The following ANGPT2 variants were observed in gnomAD, a reference collection of about 807,000 sequenced individuals.
ANGPT2 encodes angiopoietin 2.
Under a neutral mutation model 62.9 loss-of-function variants are expected in ANGPT2, and 28 were observed. The observed-to-expected ratio is 0.44, with a 90% CI of 0.33 to 0.61. The LOEUF (loss-of-function observed/expected upper bound fraction) is 0.61, where lower values mean the gene tolerates loss of function less well. Among genes scored for constraint, ANGPT2 ranks in the 20% least tolerant of loss-of-function variants. The pLI is 0.03. For synonymous variants in ANGPT2, 284 were observed against 207.8 expected (o/e 1.37, Z -3.15); for missense variants, 727 against 594.9 (o/e 1.22, Z -2.31).
At chr8:6,506,895 T>C (rs1813834042) in intron 8 of ANGPT2, among the ~76,000 whole-genome samples, 1 of 152,102 alleles carries the variant, frequency 6.6e-6, no homozygotes, top group Non-Finnish European at 1.5e-5. Flanking sequence ...TTTTGACTGT[T>C]AATGATGCTT....
At chr8:6,511,283 G>A (rs1159085688) in intron 7 of ANGPT2, among the ~76,000 whole-genome samples, 1 of 133,712 alleles carries the variant, frequency 7.5e-6, no homozygotes, top group Non-Finnish European at 1.7e-5. Flanking sequence ...ACATTGGTAT[G>A]GGTTGATTTT....
chr8:6,499,914 C>T lies in ANGPT2; in HGVS notation c.*3187G>A, dbSNP rs202015253. On this transcript the variant is annotated 3_prime_UTR_variant, in exon 9 of 9. Coordinates refer to ENST00000629816, the MANE Select transcript of ANGPT2 (RefSeq NM_001118887.2). ...AGGAGCCGTTCGAACTGTCTCACCA[C>T]TTCCCTGCAGCTCCCGTAAGTCAGA... The T allele has an allele frequency of 6.2e-7, 1 of 1,613,568 alleles. No individual in the cohort carries two copies. The highest frequency in any genetic ancestry group is 8.5e-7 in the Non-Finnish European group (1 of 1,179,916).
chr8:6,527,067 C>T (rs970652705), intron 3 of ANGPT2, among the ~76,000 whole-genome samples: 1 of 152,196 alleles, frequency 6.6e-6, no homozygotes, highest in Non-Finnish European at 1.5e-5. Context: ...TTGAGTGAAG[C>T]TAAGTCCCCA....
chr8:6,543,211 G>T (rs1361091761), intron 1 of ANGPT2, among the ~76,000 whole-genome samples: 2 of 152,138 alleles, frequency 1.3e-5, no homozygotes, highest in African/African-American at 4.8e-5. Context: ...ATTGGAAGAT[G>T]CTCAAAATAC....
intron 5 of ANGPT2, among the ~76,000 whole-genome samples, chr8:6,515,098 A>G (rs1815996524): frequency 6.6e-6 from 1 of 152,024 alleles, no homozygotes; most frequent in African/African-American, 2.4e-5. Flanking sequence ...GTTTTTTTAG[A>G]GATTCATTAT....
intron 5 of ANGPT2, among the ~76,000 whole-genome samples, 172 bp downstream of exon 5, chr8:6,519,692 C>T (rs901135699): frequency 6.6e-6 from 1 of 152,206 alleles, no homozygotes; most frequent in Admixed American, 6.5e-5. Flanking sequence ...AGCAGCGGCA[C>T]TTAGAGCCCT....
intron 2 of ANGPT2, among the ~76,000 whole-genome samples, chr8:6,527,887 C>T (rs1396265645): frequency 7.1e-6 from 1 of 140,496 alleles, no homozygotes; most frequent in Non-Finnish European, 1.6e-5. Context: ...TTACTCTTTT[C>T]CCCACGTCTC....
At position 6,499,929 on chromosome 8, in the gene ANGPT2, C is replaced by T. The variant is rs35344839; in HGVS notation, c.*3172G>A. ...TGTCTCACCACTTCCCTGCAGCTCCCGTAAGTCAGATGTTGTTTTACGATG... is the reference window on the plus strand; with the variant it reads ...TGTCTCACCACTTCCCTGCAGCTCCTGTAAGTCAGATGTTGTTTTACGATG... On this transcript the variant is annotated 3_prime_UTR_variant, in exon 9 of 9. Transcript: ENST00000629816. 39 of 1,613,056 alleles carry T rather than the reference C, an allele frequency of 2.4e-5. 1 individual carries two copies. The highest frequency in any genetic ancestry group is 2.4e-4 in the African/African-American group (18 of 74,990).
At chr8:6,557,141 C>T (rs138336984) in intron 1 of ANGPT2, among the ~76,000 whole-genome samples, 3 of 152,332 alleles carry the variant, frequency 2.0e-5, no homozygotes, top group African/African-American at 7.2e-5. Flanking sequence ...CAGTTTTCTG[C>T]AGTCTTCCCA....
At chr8:6,525,531 G>T (rs1219982628) in intron 3 of ANGPT2, among the ~76,000 whole-genome samples, 1 of 152,174 alleles carries the variant, frequency 6.6e-6, no homozygotes, top group Non-Finnish European at 1.5e-5. Flanking sequence ...TGCCTGGCTT[G>T]AATCTATTCT....
chr8:6,530,425 C>A (rs1418846029), intron 2 of ANGPT2, among the ~76,000 whole-genome samples: 1 of 150,244 alleles, frequency 6.7e-6, no homozygotes, highest in East Asian at 2.0e-4. Context: ...ACGAGAATCG[C>A]TTGAACCCGG....
At chr8:6,536,720 C>G (rs1820570049) in intron 1 of ANGPT2, among the ~76,000 whole-genome samples, 1 of 152,154 alleles carries the variant, frequency 6.6e-6, no homozygotes, top group African/African-American at 2.4e-5. Flanking sequence ...TTCCATAAAT[C>G]ACCACGTATC....
In ANGPT2 at chr8:6,502,948, A is replaced by T; in HGVS notation, c.*153T>A. ...GATGCAAGTTTAAGTGATAAAGTTT[A>T]CAGGCTCTAATCTGGAGCATGTGGG... is the stretch of plus-strand genomic sequence containing the variant. On this transcript the variant is annotated 3_prime_UTR_variant, in exon 9 of 9. Coordinates refer to ENST00000629816, the MANE Select transcript of ANGPT2 (RefSeq NM_001118887.2). 1.2e-6 allele frequency: 1 copy of T among 809,294 alleles called. No individual in the cohort carries two copies. The allele number at this position is 809,294 out of a possible 1,614,324, so 50.1% of individuals were successfully genotyped here. A position where few individuals can be genotyped will look rare whatever the true frequency, so the allele number is the denominator to read the frequency against.
At chr8:6,514,823 C>A (rs939969347) in intron 5 of ANGPT2, 45 bp from the exon 6 acceptor site, 7 of 1,531,180 alleles carry the variant, frequency 4.6e-6, no homozygotes, top group Admixed American at 1.7e-5. Context: ...CCCCCCCACT[C>A]CCCCCTTACG....
Position 6,538,304 on chromosome 8 carries a change from A to G in ANGPT2, c.289-5817T>C, listed in dbSNP as rs183266032. 1.3e-4 allele frequency among the ~76,000 whole-genome samples: 20 copies of G among 152,212 alleles called. 1 individual carries two copies. The highest frequency in any genetic ancestry group is 1.3e-3 in the Admixed American group (20 of 15,286). ...CACACATACACGTTTTCTACCCCCC[A>G]TGATCCCATCTTCCCGCCCAGGGTC... On this transcript the variant is annotated intron_variant, in intron 1 of 8. Coordinates refer to ENST00000629816, the MANE Select transcript of ANGPT2 (RefSeq NM_001118887.2).
intron 2 of ANGPT2, among the ~76,000 whole-genome samples, chr8:6,530,262 G>A (rs1450419760): frequency 6.6e-6 from 1 of 152,016 alleles, no homozygotes; most frequent in African/African-American, 2.4e-5. Context: ...GATCCCAGCA[G>A]TTTGGGAGGC....
At position 6,503,051 on chromosome 8, in the gene ANGPT2, T is replaced by G. The variant is rs752990784; in HGVS notation, c.*50A>C. ...AGCCGTGACTTTCAGTGCACTGGGC[T>G]TAAGTCTTTGAAAATAGTTCGAGAC... is the stretch of plus-strand genomic sequence containing the variant. On this transcript the variant is annotated 3_prime_UTR_variant, in exon 9 of 9. Transcript: ENST00000629816. 4 of 1,607,698 alleles carry G rather than the reference T, an allele frequency of 2.5e-6. No homozygotes were observed. Among genetic ancestry groups the G allele is most frequent in the Non-Finnish European group, 3.4e-6 (4 of 1,176,386 alleles).
At chr8:6,508,178 G>C (rs1346280162) in intron 8 of ANGPT2, 1 of 152,226 alleles carries the variant, frequency 6.6e-6, no homozygotes, top group Admixed American at 6.5e-5. Context: ...GGCCGGGTGT[G>C]GTGGCTCACA....
At chr8:6,540,506 G>A (rs1022753906) in intron 1 of ANGPT2, among the ~76,000 whole-genome samples, 3 of 152,190 alleles carry the variant, frequency 2.0e-5, no homozygotes, top group Admixed American at 6.5e-5. Context: ...GTCTGTGAGC[G>A]TGCAGCCTCA....
Sources: gnomAD v4.1 joint callset for allele counts (sites outside exome capture counted in the v4.1 genomes callset) on GRCh38, gnomAD v4.1.1 for gene constraint, MANE v1.5 for transcripts, NCBI Gene and HGNC (gene_info 2026-07-23, HGNC 2026-07-21) for gene names.